SOX5: variants seen among roughly 807,000 people sequenced by gnomAD.
SOX5 encodes the protein transcription factor SOX-5.
Under a neutral mutation model 92.0 loss-of-function variants are expected in SOX5, and 9 were observed. The observed-to-expected ratio is 0.10, with a 90% CI of 0.06 to 0.17. The LOEUF (loss-of-function observed/expected upper bound fraction) is 0.17, where lower values mean the gene tolerates loss of function less well. SOX5 is among the 10% of genes least tolerant of loss of function. The pLI, the probability that SOX5 is intolerant of heterozygous loss-of-function variation, is 1.00. For missense variants in SOX5, 642 were observed against 944.5 expected, an observed-to-expected ratio of 0.68 and a Z score of 4.20; for synonymous variants, 344 against 336.3, an observed-to-expected ratio of 1.02 and a Z score of -0.25.
intron 13 of SOX5, among the ~76,000 whole-genome samples, chr12:23,539,553 G>A (rs1261944343): frequency 1.3e-5 from 2 of 151,074 alleles, no homozygotes; most frequent in Non-Finnish European, 2.9e-5. Context: ...AATAGTTGAG[G>A]TCTTTCGGTG....
Position 24,423,769 on chromosome 12 carries a change from C to T in SOX5, c.-250-55130G>A, listed in dbSNP as rs78718831. 4.6e-3 allele frequency among the ~76,000 whole-genome samples: 693 copies of T among 152,298 alleles called. 11 individuals are homozygous for T. The East Asian group carries it at 0.053, about 12-fold the overall frequency. On this transcript the variant is annotated intron_variant, in intron 1 of 4. Transcript: ENST00000446891. ...GGGGCATGGTGGTGACTGCAATGTA[C>T]GGGCTATTGATCTGAGTATGACTGA...
chr12:23,627,259 T>C (rs113644965), intron 8 of SOX5, among the ~76,000 whole-genome samples: 4 of 152,310 alleles, frequency 2.6e-5, no homozygotes, highest in African/African-American at 9.6e-5. Flanking sequence ...TTAGTAAGAA[T>C]TGAAACATAC....
chr12:23,688,057 C>A (rs1044136426), intron 6 of SOX5, among the ~76,000 whole-genome samples: 1 of 152,032 alleles, frequency 6.6e-6, no homozygotes, highest in Non-Finnish European at 1.5e-5. Context: ...GGGTCCCAAA[C>A]ACAAACTCTT....
At position 23,532,971 on chromosome 12, in the gene SOX5, G is replaced by A. The variant is rs144925992; in HGVS notation, c.*1248C>T. ...ACGTTAATGGAACCAACTGACCAGG[G>A]AGAAAGGACATCTGGGAGCAGTTTG... On this transcript the variant is annotated 3_prime_UTR_variant, in exon 15 of 15. Transcript: ENST00000451604. 5.6e-6 allele frequency: 1 copy of A among 178,910 alleles called. No homozygotes were observed. The highest frequency in any genetic ancestry group is 1.2e-5 in the Non-Finnish European group (1 of 81,664). The allele number at this position is 178,910 out of a possible 1,614,324, so 11.1% of individuals were successfully genotyped here.
chr12:24,079,962 A>C (rs560578403), intron 4 of SOX5, among the ~76,000 whole-genome samples: 1 of 152,100 alleles, frequency 6.6e-6, no homozygotes, highest in East Asian at 1.9e-4. Flanking sequence ...AAAAGTAATT[A>C]GTAGATAAAC....
At chr12:23,882,843 T>C (rs1347967232) in intron 2 of SOX5, among the ~76,000 whole-genome samples, 1 of 152,166 alleles carries the variant, frequency 6.6e-6, no homozygotes, top group Non-Finnish European at 1.5e-5. Flanking sequence ...TCCATTAAAC[T>C]ACCTTGAAAT....
intron 13 of SOX5, among the ~76,000 whole-genome samples, chr12:23,538,101 CTAAG>C (rs1025973752): frequency 1.3e-5 from 2 of 152,146 alleles, no homozygotes; most frequent in Non-Finnish European, 2.9e-5. Context: ...CAAATGTCAT[CTAAG>C]TAAGATCTTA....
intron 4 of SOX5, among the ~76,000 whole-genome samples, chr12:24,050,395 T>G (rs910384952): frequency 9.2e-5 from 14 of 152,182 alleles, no homozygotes; most frequent in Admixed American, 9.2e-4. Context: ...TACCTGTTCA[T>G]GGTGACTGGG....
At chr12:23,980,449 C>T (rs1455283569) in intron 4 of SOX5, among the ~76,000 whole-genome samples, 1 of 151,932 alleles carries the variant, frequency 6.6e-6, no homozygotes, top group Non-Finnish European at 1.5e-5. Context: ...TCTAAAATCT[C>T]AACACAATGT....
At chr12:23,976,881 T>C (rs989674078) in intron 4 of SOX5, among the ~76,000 whole-genome samples, 3 of 151,946 alleles carry the variant, frequency 2.0e-5, no homozygotes, top group Non-Finnish European at 2.9e-5. Flanking sequence ...CCTGTTGACT[T>C]GTAGAAGAAT....
intron 2 of SOX5, among the ~76,000 whole-genome samples, chr12:24,338,406 T>C (rs947944012): frequency 2.0e-5 from 3 of 152,244 alleles, no homozygotes; most frequent in African/African-American, 7.2e-5. Flanking sequence ...CATTCCATGT[T>C]ATTCTCTAAA....
chr12:24,370,043 G>C lies in SOX5; in HGVS notation c.-250-1404C>G, dbSNP rs1360758262. ...ATAATAGATATAGAAATTGTTTTGGGGTTTTTGTTTTGTTTTGGTAAAGTG... is the reference window on the plus strand; with the variant it reads ...ATAATAGATATAGAAATTGTTTTGGCGTTTTTGTTTTGTTTTGGTAAAGTG... On this transcript the variant is annotated intron_variant, in intron 1 of 4. Transcript: ENST00000446891. Among the ~76,000 whole-genome samples, 5 of 152,010 alleles carry C rather than the reference G, an allele frequency of 3.3e-5. No individual in the cohort carries two copies. The East Asian group carries it at 9.6e-4, about 29-fold the overall frequency.
At chr12:23,904,551 C>T (rs2097271097) in intron 1 of SOX5, among the ~76,000 whole-genome samples, 1 of 152,108 alleles carries the variant, frequency 6.6e-6, no homozygotes, top group South Asian at 2.1e-4. Context: ...AAAATCAAAA[C>T]TACTTTTGAG....
intron 6 of SOX5, among the ~76,000 whole-genome samples, chr12:23,723,129 A>G (rs1039993619): frequency 2.0e-5 from 3 of 151,996 alleles, no homozygotes; most frequent in Non-Finnish European, 4.4e-5. Flanking sequence ...TCATGAAAAG[A>G]TTGCCATAAT....
chr12:24,360,503 G>GT (rs1255659374), intron 2 of SOX5, among the ~76,000 whole-genome samples: 1 of 152,152 alleles, frequency 6.6e-6, no homozygotes. Flanking sequence ...CTGAACAGGA[G>GT]TAAGGCCTTG....
intron 1 of SOX5, among the ~76,000 whole-genome samples, chr12:23,928,480 A>T (rs1940585166): frequency 6.6e-6 from 1 of 152,008 alleles, no homozygotes; most frequent in Admixed American, 6.6e-5. Context: ...AGACGTATGA[A>T]TTTCTAAGCA....
intron 1 of SOX5, among the ~76,000 whole-genome samples, chr12:24,403,799 C>T (rs1962299453): frequency 6.6e-6 from 1 of 152,182 alleles, no homozygotes; most frequent in Non-Finnish European, 1.5e-5. Flanking sequence ...GCATATTTCT[C>T]AGTAAGTAAG....
chr12:23,922,024 T>C (rs1317661017), intron 1 of SOX5, among the ~76,000 whole-genome samples: 3 of 152,182 alleles, frequency 2.0e-5, no homozygotes, highest in Non-Finnish European at 4.4e-5. Flanking sequence ...ATGATTATAG[T>C]CTGCAGGGCT....
intron 6 of SOX5, among the ~76,000 whole-genome samples, chr12:23,704,173 TTG>T (rs773753354): frequency 1.3e-5 from 2 of 151,780 alleles, no homozygotes; most frequent in Middle Eastern, 3.4e-3. Flanking sequence ...CTTCTAACGC[TTG>T]TGTGTGTGTG....
Sources: gnomAD v4.1 joint callset for allele counts (sites outside exome capture counted in the v4.1 genomes callset) on GRCh38, gnomAD v4.1.1 for gene constraint, MANE v1.5 for transcripts, NCBI Gene and HGNC (gene_info 2026-07-23, HGNC 2026-07-21) for gene names.